Variants in ROBO1 observed in about 807,000 individuals in gnomAD.
ROBO1 encodes roundabout guidance receptor 1, also known as roundabout homolog 1.
A neutral mutation model predicts 195.9 loss-of-function variants in ROBO1; 149 were observed. The ratio of observed to expected loss-of-function variants is 0.76; its 90% CI spans 0.67 to 0.87. The LOEUF is 0.87. Ranked by LOEUF, ROBO1 falls within the 40% of genes least tolerant of loss-of-function variation. ROBO1 has a pLI of 0.00. For missense variants in ROBO1, 1,933 were observed against 2,068.3 expected, an observed-to-expected ratio of 0.93 and a Z score of 1.27; for synonymous variants, 816 against 733.2, an observed-to-expected ratio of 1.11 and a Z score of -1.82.
intron 3 of ROBO1, among the ~76,000 whole-genome samples, chr3:79,037,996 T>C (rs1204259466): frequency 2.0e-5 from 3 of 152,142 alleles, no homozygotes; most frequent in Admixed American, 1.3e-4. Flanking sequence ...CCAAGAAAGA[T>C]TTTTTTAAAA....
intron 2 of ROBO1, among the ~76,000 whole-genome samples, chr3:79,556,659 C>T (rs778967043): frequency 2.5e-4 from 38 of 151,848 alleles, no homozygotes; most frequent in Non-Finnish European, 5.2e-4. Context: ...TATGTATGCA[C>T]ATATATTTAT....
At chr3:78,930,088 G>A (rs2039429435) in intron 4 of ROBO1, among the ~76,000 whole-genome samples, 1 of 152,160 alleles carries the variant, frequency 6.6e-6, no homozygotes, top group African/African-American at 2.4e-5. Context: ...AGTACCTGAT[G>A]ACTGTATTCT....
chr3:78,724,258 G>C (rs184585254), intron 5 of ROBO1, among the ~76,000 whole-genome samples: 101 of 152,072 alleles, frequency 6.6e-4, no homozygotes, highest in Middle Eastern at 6.8e-3. Context: ...ACTCTCAACG[G>C]TCACAAATAT....
At chr3:79,489,750 T>C (rs150676250) in intron 2 of ROBO1, among the ~76,000 whole-genome samples, 1 of 152,048 alleles carries the variant, frequency 6.6e-6, no homozygotes, top group African/African-American at 2.4e-5. Context: ...AAACAAAATA[T>C]GAAGAGGTTT....
intron 1 of ROBO1, among the ~76,000 whole-genome samples, chr3:79,689,606 G>A (rs776720212): frequency 6.6e-6 from 1 of 151,924 alleles, no homozygotes; most frequent in Non-Finnish European, 1.5e-5. Context: ...GCAACAGGAG[G>A]AAATCAACTA....
chr3:79,260,171 T>A (rs1346403303), intron 2 of ROBO1, among the ~76,000 whole-genome samples: 1 of 151,722 alleles, frequency 6.6e-6, no homozygotes, highest in Non-Finnish European at 1.5e-5. Context: ...TGAGTTAAAA[T>A]CTAATTTAAA....
intron 2 of ROBO1, among the ~76,000 whole-genome samples, chr3:79,280,132 A>C (rs755657745): frequency 1.3e-5 from 2 of 152,150 alleles, no homozygotes; most frequent in Non-Finnish European, 2.9e-5. Context: ...AGATTTGTCC[A>C]AAGATACAAA....
chr3:79,578,548 A>G (rs1943565609), intron 2 of ROBO1, among the ~76,000 whole-genome samples: 1 of 152,204 alleles, frequency 6.6e-6, no homozygotes, highest in Non-Finnish European at 1.5e-5. Flanking sequence ...AAAGTAAAGT[A>G]TAATAAAGTC....
At chr3:79,685,692 T>C (rs1947083455) in intron 1 of ROBO1, among the ~76,000 whole-genome samples, 1 of 152,110 alleles carries the variant, frequency 6.6e-6, no homozygotes, top group Non-Finnish European at 1.5e-5. Flanking sequence ...GATTTGTCTG[T>C]TGGTTTTCAA....
intron 2 of ROBO1, among the ~76,000 whole-genome samples, chr3:79,588,930 G>A (rs78743625): frequency 2.6e-5 from 4 of 151,560 alleles, no homozygotes; most frequent in Non-Finnish European, 5.9e-5. Context: ...GAAGCCCCAG[G>A]ATTTTTTGAA....
intron 8 of ROBO1, among the ~76,000 whole-genome samples, chr3:78,702,150 A>G (rs2081435283): frequency 6.6e-6 from 1 of 152,214 alleles, no homozygotes. Flanking sequence ...AACTACTCTA[A>G]TGATGACCCT....
intron 1 of ROBO1, among the ~76,000 whole-genome samples, chr3:79,666,643 T>C (rs1174093475): frequency 1.3e-5 from 2 of 151,898 alleles, no homozygotes; most frequent in Non-Finnish European, 2.9e-5. Flanking sequence ...TCTTGCTTGC[T>C]GCCATGTAAG....
At chr3:79,450,522 T>C (rs1307085683) in intron 2 of ROBO1, among the ~76,000 whole-genome samples, 1 of 152,130 alleles carries the variant, frequency 6.6e-6, no homozygotes, top group Non-Finnish European at 1.5e-5. Flanking sequence ...AAAAATGAGA[T>C]AGATTTCTAT....
chr3:78,802,701 G>A (rs1180515820), intron 4 of ROBO1, among the ~76,000 whole-genome samples: 3 of 122,544 alleles, frequency 2.4e-5, no homozygotes, highest in African/African-American at 3.1e-5. Context: ...AGGAGCCTGC[G>A]GTCTAGCATC....
intron 4 of ROBO1, among the ~76,000 whole-genome samples, chr3:78,912,899 G>A (rs1478568530): frequency 6.6e-6 from 1 of 152,042 alleles, no homozygotes; most frequent in Non-Finnish European, 1.5e-5. Context: ...CACAAGAAGT[G>A]TTTCTGCTGG....
intron 4 of ROBO1, among the ~76,000 whole-genome samples, chr3:78,908,837 T>C (rs1020514720): frequency 6.6e-6 from 1 of 151,902 alleles, no homozygotes; most frequent in Non-Finnish European, 1.5e-5. Context: ...TTAGTCTTTT[T>C]AACAGGCCTT....
chr3:79,536,411 T>G (rs1941864463), intron 2 of ROBO1, among the ~76,000 whole-genome samples: 1 of 146,506 alleles, frequency 6.8e-6, no homozygotes, highest in Admixed American at 7.0e-5. Flanking sequence ...CAAATTATAT[T>G]CCATCGCTTT....
At chr3:79,696,824 C>A (rs987004081) in intron 1 of ROBO1, among the ~76,000 whole-genome samples, 1 of 151,276 alleles carries the variant, frequency 6.6e-6, no homozygotes, top group African/African-American at 2.4e-5. Context: ...ATGTTCAGAC[C>A]AAGATTATAT....
At chr3:78,694,737 G>T (rs540466306) in intron 8 of ROBO1, among the ~76,000 whole-genome samples, 3 of 152,088 alleles carry the variant, frequency 2.0e-5, no homozygotes, top group African/African-American at 4.8e-5. Context: ...ACAGTAAGAA[G>T]TATTTAGGCA....
Sources: allele counts gnomAD v4.1 joint callset (sites outside exome capture counted in the v4.1 genomes callset), GRCh38; gene constraint gnomAD v4.1.1; transcripts MANE v1.5; gene names NCBI Gene and HGNC (gene_info 2026-07-23, HGNC 2026-07-21).